The following CNTN5 variants were observed in gnomAD, a reference collection of about 807,000 sequenced individuals.
CNTN5 encodes contactin 5.
Under a neutral mutation model 129.1 loss-of-function variants are expected in CNTN5, and 77 were observed. The ratio of observed to expected loss-of-function variants is 0.60; its 90% CI spans 0.50 to 0.72. The LOEUF (loss-of-function observed/expected upper bound fraction) is 0.72, where lower values mean the gene tolerates loss of function less well. Ranked by LOEUF, CNTN5 falls within the 30% of genes least tolerant of loss-of-function variation. The pLI is 0.00. For missense variants in CNTN5, 1,478 were observed against 1,328.8 expected (o/e 1.11, Z -1.75); for synonymous variants, 509 against 465.6 (o/e 1.09, Z -1.20).
At chr11:100,259,888 A>C (rs552441034) in intron 17 of CNTN5, among the ~76,000 whole-genome samples, 1 of 152,244 alleles carries the variant, frequency 6.6e-6, no homozygotes, top group Non-Finnish European at 1.5e-5. Flanking sequence ...TAAAAGAACT[A>C]GAGAAGTCAG....
At chr11:99,624,754 C>G (rs1022618841) in intron 3 of CNTN5, among the ~76,000 whole-genome samples, 2 of 152,168 alleles carry the variant, frequency 1.3e-5, no homozygotes, top group African/African-American at 2.4e-5. Flanking sequence ...GTGACTGATA[C>G]ATGTCTGATG....
chr11:99,152,492 T>C (rs1860114849), intron 1 of CNTN5, among the ~76,000 whole-genome samples: 1 of 152,218 alleles, frequency 6.6e-6, no homozygotes, highest in African/African-American at 2.4e-5. Context: ...TTCCATTTGC[T>C]TGACAGATTT....
intron 9 of CNTN5, among the ~76,000 whole-genome samples, chr11:100,025,527 C>G (rs1054051227): frequency 2.0e-5 from 3 of 152,138 alleles, no homozygotes; most frequent in African/African-American, 7.2e-5. Flanking sequence ...AATGATAGAT[C>G]CACTGACAGC....
rs750514717 is a variant in CNTN5, at chr11:99,844,917, G to A, written c.343G>A (p.Asp115Asn). Residue 115 changes from aspartate (D) to asparagine (N), a missense_variant, in exon 5 of 25, where the codon GAT becomes AAT. Transcript: ENST00000524871. ...PDDIIFPTDSDEKKVALNCEV... is the reference protein window; with the variant it reads ...PDDIIFPTDSNEKKVALNCEV... ...TGATATTATTTTTCCAACTGATTCT[G>A]ATGAAAAGAAGGTAGCATTGAATTG... is the stretch of plus-strand genomic sequence containing the variant. 1.5e-5 allele frequency: 25 copies of A among 1,613,686 alleles called. No homozygotes were observed. Among genetic ancestry groups the A allele is most frequent in the Non-Finnish European group, 2.1e-5 (25 of 1,179,788 alleles).
chr11:99,912,919 C>T (rs888564126), intron 6 of CNTN5, among the ~76,000 whole-genome samples: 2 of 151,852 alleles, frequency 1.3e-5, no homozygotes, highest in African/African-American at 4.8e-5. Context: ...TTAGAGTCTT[C>T]GTATTGTGAT....
intron 2 of CNTN5, among the ~76,000 whole-genome samples, chr11:99,533,663 C>T (rs17133723): frequency 0.029 from 4,458 of 152,296 alleles, 179 homozygotes; most frequent in East Asian, 0.12. Context: ...ATAAAGATAC[C>T]GCTGTTCACT....
At chr11:100,286,920 T>C (rs1950808505) in intron 18 of CNTN5, among the ~76,000 whole-genome samples, 1 of 152,098 alleles carries the variant, frequency 6.6e-6, no homozygotes, top group Non-Finnish European at 1.5e-5. Flanking sequence ...AAGGAGCTGA[T>C]GGAGCTGAAA....
chr11:99,388,636 T>C (rs1422306240), intron 2 of CNTN5, among the ~76,000 whole-genome samples: 1 of 152,182 alleles, frequency 6.6e-6, no homozygotes. Flanking sequence ...GTGTGGAATC[T>C]ACTGCCACAT....
chr11:100,274,876 C>T (rs1950476056), intron 18 of CNTN5, among the ~76,000 whole-genome samples: 1 of 152,164 alleles, frequency 6.6e-6, no homozygotes, highest in African/African-American at 2.4e-5. Flanking sequence ...CCGATACTCC[C>T]ATTACTGGGT....
intron 1 of CNTN5, among the ~76,000 whole-genome samples, chr11:99,288,651 A>G (rs2135912220): frequency 6.6e-6 from 1 of 151,976 alleles, no homozygotes; most frequent in African/African-American, 2.4e-5. Flanking sequence ...TCTGAGTTTC[A>G]TTCTCTACAA....
intron 2 of CNTN5, among the ~76,000 whole-genome samples, chr11:99,373,536 A>G (rs1939960675): frequency 6.6e-6 from 1 of 151,914 alleles, no homozygotes; most frequent in Non-Finnish European, 1.5e-5. Flanking sequence ...CAATATGGAG[A>G]AACCCTGTCT....
chr11:99,879,125 A>G (rs549044999), intron 6 of CNTN5, among the ~76,000 whole-genome samples: 1 of 151,836 alleles, frequency 6.6e-6, no homozygotes, highest in Non-Finnish European at 1.5e-5. Context: ...TCTAGTAGAG[A>G]TGGGGTTTCA....
chr11:100,331,365 C>T (rs1951902772), intron 21 of CNTN5, among the ~76,000 whole-genome samples: 1 of 152,114 alleles, frequency 6.6e-6, no homozygotes, highest in South Asian at 2.1e-4. Context: ...GAATGAGATA[C>T]ATGACAACAC....
At chr11:99,741,399 A>G (rs148202199) in intron 3 of CNTN5, among the ~76,000 whole-genome samples, 2 of 152,162 alleles carry the variant, frequency 1.3e-5, no homozygotes, top group South Asian at 2.1e-4. Context: ...CTGTCTCATA[A>G]TCTATTTAGT....
At chr11:99,621,258 T>G (rs590960) in intron 3 of CNTN5, among the ~76,000 whole-genome samples, 8 of 152,112 alleles carry the variant, frequency 5.3e-5, no homozygotes, top group Admixed American at 1.3e-4. Context: ...AGAGCAGAAA[T>G]GAGAAAAGCA....
At chr11:99,292,734 A>G (rs540267842) in intron 1 of CNTN5, among the ~76,000 whole-genome samples, 2 of 152,290 alleles carry the variant, frequency 1.3e-5, no homozygotes, top group African/African-American at 2.4e-5. Context: ...TTATGAAACA[A>G]TCTAGGCTTA....
At chr11:99,207,663 G>T (rs1319814413) in intron 1 of CNTN5, among the ~76,000 whole-genome samples, 3 of 152,034 alleles carry the variant, frequency 2.0e-5, no homozygotes, top group Admixed American at 2.0e-4. Context: ...AGTGTTTAAA[G>T]AATTGAAAAC....
intron 3 of CNTN5, among the ~76,000 whole-genome samples, chr11:99,646,570 G>C (rs1346372295): frequency 6.6e-6 from 1 of 152,108 alleles, no homozygotes. Flanking sequence ...TGGTCAATAT[G>C]ACTATTTAGA....
chr11:99,347,170 G>T (rs1039187908), intron 2 of CNTN5, among the ~76,000 whole-genome samples: 12 of 152,132 alleles, frequency 7.9e-5, no homozygotes, highest in Non-Finnish European at 5.9e-5. Flanking sequence ...AGAGTTTCAA[G>T]TTCAATCACA....
Sources: allele counts gnomAD v4.1 joint callset (sites outside exome capture counted in the v4.1 genomes callset), GRCh38; gene constraint gnomAD v4.1.1; transcripts MANE v1.5; gene names NCBI Gene and HGNC (gene_info 2026-07-23, HGNC 2026-07-21).